Variants in CPED1 observed in about 807,000 individuals in gnomAD.
The protein encoded by CPED1 is cadherin like and PC-esterase domain containing 1.
A neutral mutation model predicts 128.2 loss-of-function variants in CPED1; 114 were observed. The ratio of observed to expected loss-of-function variants is 0.89; its 90% CI spans 0.76 to 1.04. The LOEUF (loss-of-function observed/expected upper bound fraction) is 1.04. CPED1 is among the 50% of genes least tolerant of loss of function. CPED1 has a pLI of 0.00. For missense variants in CPED1, 1,211 were observed against 1,207.1 expected (o/e 1.00, Z -0.05); for synonymous variants, 462 against 426.7 (o/e 1.08, Z -1.02).
intron 22 of CPED1, among the ~76,000 whole-genome samples, chr7:121,294,497 T>TA (rs1292029725): frequency 6.6e-6 from 1 of 152,030 alleles, no homozygotes; most frequent in Non-Finnish European, 1.5e-5. Flanking sequence ...AAAAGGGACT[T>TA]ACAAACAGAT....
rs151300809 is a variant in CPED1, at chr7:121,168,420, A to G, written c.2055+26279A>G. Among the ~76,000 whole-genome samples the G allele has an allele frequency of 3.0e-3, 453 of 152,304 alleles. 2 individuals are homozygous for G. The highest frequency in any genetic ancestry group is 0.01 in the African/African-American group (433 of 41,554). ...TTAACATATAATTTTATTTACTAAAACATGGTTCTGCATAATTTTAATTTT... is the reference window on the plus strand; with the variant it reads ...TTAACATATAATTTTATTTACTAAAGCATGGTTCTGCATAATTTTAATTTT... On this transcript the variant is annotated intron_variant, in intron 16 of 22. Coordinates refer to ENST00000310396, the MANE Select transcript of CPED1 (RefSeq NM_024913.5).
rs182091813 is a variant in CPED1 at position 121,044,268 on chromosome 7, A to G, written c.434-2619A>G. Among the ~76,000 whole-genome samples, 196 of 152,304 alleles carry G rather than the reference A, an allele frequency of 1.3e-3. 3 individuals are homozygous for G. The highest frequency in any genetic ancestry group is 0.011 in the Admixed American group (170 of 15,300). On this transcript the variant is annotated intron_variant, in intron 3 of 22. Coordinates refer to ENST00000310396, the MANE Select transcript of CPED1 (RefSeq NM_024913.5). Reference sequence around the variant, plus strand: ...TGGAAATAGAAATGAAGACAAAGTGAAAAGGTCTACTAAATGTTTAACTAG... The same window carrying G: ...TGGAAATAGAAATGAAGACAAAGTGGAAAGGTCTACTAAATGTTTAACTAG...
chr7:121,022,366 G>A (rs1231413217), intron 3 of CPED1, among the ~76,000 whole-genome samples: 1 of 151,912 alleles, frequency 6.6e-6, no homozygotes, highest in African/African-American at 2.4e-5. Context: ...AGGGCTGATA[G>A]TTTATACATC....
intron 3 of CPED1, among the ~76,000 whole-genome samples, chr7:121,041,450 A>G (rs1191744898): frequency 6.6e-6 from 1 of 152,158 alleles, no homozygotes; most frequent in African/African-American, 2.4e-5. Context: ...GCAGGAAGAG[A>G]CTTAATATTC....
intron 5 of CPED1, among the ~76,000 whole-genome samples, chr7:121,086,183 T>C (rs1321746995): frequency 6.6e-6 from 1 of 152,158 alleles, no homozygotes; most frequent in African/African-American, 2.4e-5. Flanking sequence ...TAGAACAGTT[T>C]TGTGTCATTT....
At position 121,295,510 on chromosome 7, in the gene CPED1, G is replaced by A; in HGVS notation, c.2939G>A (p.Gly980Glu). ...AAAAGATCAAGAAATCATATCATGG[G>A]AAGATATTTCAGCAATCAAAGCAAA... ...KMKRSRNHIM[G>E]RYFSNQSKLQ... is the part of the protein sequence containing the mutation. Residue 980 changes from glycine (G) to glutamate (E), a missense_variant, in exon 23 of 23, where the codon GGA becomes GAA. Gly to Glu is a moderately conservative substitution (Grantham distance 98, BLOSUM62 -2). Coordinates refer to ENST00000310396, the MANE Select transcript of CPED1 (RefSeq NM_024913.5). 8 of 1,613,930 alleles carry A rather than the reference G, an allele frequency of 5.0e-6. No individual in the cohort carries two copies. Among genetic ancestry groups the A allele is most frequent in the Non-Finnish European group, 6.8e-6 (8 of 1,179,874 alleles).
intron 4 of CPED1, among the ~76,000 whole-genome samples, chr7:121,052,573 C>T (rs545158084): frequency 1.1e-4 from 16 of 151,936 alleles, no homozygotes; most frequent in African/African-American, 3.6e-4. Context: ...TCACTGGAGG[C>T]GAGTGGAATA....
intron 7 of CPED1, among the ~76,000 whole-genome samples, chr7:121,112,380 A>G (rs1795134207): frequency 1.3e-5 from 2 of 152,180 alleles, no homozygotes; most frequent in Admixed American, 1.3e-4. Context: ...TTTGACACAG[A>G]AGAGAAGACA....
intron 2 of CPED1, among the ~76,000 whole-genome samples, chr7:121,008,420 T>G (rs1264478427): frequency 6.6e-6 from 1 of 152,170 alleles, no homozygotes; most frequent in African/African-American, 2.4e-5. Context: ...TAAAAAGTAT[T>G]ATGGTACTGG....
intron 18 of CPED1, among the ~76,000 whole-genome samples, chr7:121,263,513 A>G (rs1448736502): frequency 1.3e-5 from 2 of 152,076 alleles, no homozygotes; most frequent in African/African-American, 2.4e-5. Flanking sequence ...CACTGTACAC[A>G]TAATGAAATG....
intron 18 of CPED1, among the ~76,000 whole-genome samples, chr7:121,265,667 G>A (rs1792107444): frequency 2.6e-5 from 4 of 152,156 alleles, no homozygotes; most frequent in Admixed American, 2.6e-4. Context: ...CAGTGCTGCT[G>A]GGAATGAGCA....
At chr7:121,293,781 C>T in intron 22 of CPED1, among the ~76,000 whole-genome samples, 1 of 152,032 alleles carries the variant, frequency 6.6e-6, no homozygotes, top group Non-Finnish European at 1.5e-5. Flanking sequence ...ACCCCTTGTG[C>T]TTCCTTGGTG....
chr7:121,110,377 A>G (rs1795080583), intron 7 of CPED1, among the ~76,000 whole-genome samples: 1 of 152,198 alleles, frequency 6.6e-6, no homozygotes, highest in Non-Finnish European at 1.5e-5. Context: ...AGTTACAGGT[A>G]TTTAATATAT....
At chr7:121,290,337 A>C (rs949024663) in intron 22 of CPED1, among the ~76,000 whole-genome samples, 2 of 152,170 alleles carry the variant, frequency 1.3e-5, no homozygotes, top group African/African-American at 4.8e-5. Context: ...TGGGATTGCT[A>C]GGTCAAATGG....
At chr7:121,077,720 A>G (rs1013754825) in intron 5 of CPED1, among the ~76,000 whole-genome samples, 4 of 151,236 alleles carry the variant, frequency 2.6e-5, no homozygotes, top group African/African-American at 7.3e-5. Flanking sequence ...TGTATTTAAA[A>G]TGTATATTAA....
At chr7:121,188,301 G>A (rs577936827) in intron 16 of CPED1, among the ~76,000 whole-genome samples, 19 of 152,042 alleles carry the variant, frequency 1.2e-4, no homozygotes, top group Non-Finnish European at 2.1e-4. Flanking sequence ...TACATAGTAG[G>A]TATATATACA....
intron 3 of CPED1, among the ~76,000 whole-genome samples, chr7:121,026,652 AG>A (rs1297089497): frequency 7.5e-6 from 1 of 133,778 alleles, no homozygotes; most frequent in Admixed American, 8.7e-5. Flanking sequence ...GAGACAGACC[AG>A]GACATCATTA....
chr7:121,140,683 T>C, intron 14 of CPED1, 144 bp from the exon 15 acceptor site: 1 of 594,218 alleles, frequency 1.7e-6, no homozygotes, highest in Non-Finnish European at 2.9e-6. Flanking sequence ...AAATCAACTA[T>C]GATCAGGGTA....
chr7:121,097,924 T>A, intron 6 of CPED1, 93 bp downstream of exon 6: 1 of 1,244,318 alleles, frequency 8.0e-7, no homozygotes, highest in Middle Eastern at 2.0e-4. Context: ...GGGGTTCACA[T>A]GTGTGAATTA....
Sources: gnomAD v4.1 joint callset for allele counts (sites outside exome capture counted in the v4.1 genomes callset) on GRCh38, gnomAD v4.1.1 for gene constraint, MANE v1.5 for transcripts, NCBI Gene and HGNC (gene_info 2026-07-23, HGNC 2026-07-21) for gene names.